DNM3: variants seen among roughly 807,000 people sequenced by gnomAD.
DNM3 encodes the protein dynamin 3.
A neutral mutation model predicts 101.6 loss-of-function variants in DNM3; 47 were observed. The ratio of observed to expected loss-of-function variants is 0.46; its 90% CI spans 0.37 to 0.59. The LOEUF is 0.59. Ranked by LOEUF, DNM3 falls within the 20% of genes least tolerant of loss-of-function variation. The pLI is 0.00. For synonymous variants in DNM3, 385 were observed against 387.9 expected, an observed-to-expected ratio of 0.99 and a Z score of 0.09; for missense variants, 849 against 1,085.7, an observed-to-expected ratio of 0.78 and a Z score of 3.06.
chr1:171,850,343 T>C (rs955362973), intron 1 of DNM3, among the ~76,000 whole-genome samples: 1 of 152,220 alleles, frequency 6.6e-6, no homozygotes, highest in Non-Finnish European at 1.5e-5. Context: ...TGTTTGGAAT[T>C]ACATTATTTT....
intron 10 of DNM3, among the ~76,000 whole-genome samples, chr1:172,053,754 C>A (rs541947388): frequency 9.8e-4 from 149 of 152,222 alleles, no homozygotes; most frequent in African/African-American, 1.4e-3. Flanking sequence ...AAACATCTAT[C>A]CTTTTCCTTA....
At chr1:172,295,950 G>A (rs1464281114) in intron 15 of DNM3, among the ~76,000 whole-genome samples, 1 of 152,076 alleles carries the variant, frequency 6.6e-6, no homozygotes, top group Non-Finnish European at 1.5e-5. Context: ...CAAAAATATT[G>A]TATTATATTT....
chr1:171,875,625 C>T (rs1163861045), intron 1 of DNM3, among the ~76,000 whole-genome samples: 2 of 152,068 alleles, frequency 1.3e-5, no homozygotes, highest in Non-Finnish European at 2.9e-5. Context: ...ACCTGGACAA[C>T]CTTGGGGAAG....
At chr1:172,019,745 G>A (rs2047704469) in intron 4 of DNM3, among the ~76,000 whole-genome samples, 2 of 151,608 alleles carry the variant, frequency 1.3e-5, no homozygotes, top group African/African-American at 2.4e-5. Context: ...ACTTTTTCCA[G>A]TCCAGTCAAA....
Position 172,412,224 on chromosome 1 carries a change from A to G in DNM3, c.*4383A>G. ...AACTCAAGTCATTAATCTCTTTTTA[A>G]TTTTTACTCTTGAATTCCTTAAACT... On this transcript the variant is annotated 3_prime_UTR_variant, in exon 21 of 21. Coordinates refer to ENST00000627582, the MANE Select transcript of DNM3 (RefSeq NM_015569.5). 9 of 985,404 alleles carry G rather than the reference A, an allele frequency of 9.1e-6. No individual in the cohort carries two copies. The highest frequency in any genetic ancestry group is 1.1e-5 in the Non-Finnish European group (9 of 829,782). 61.0% of individuals were successfully genotyped at this position (985,404 alleles called of 1,614,324 possible). A position where few individuals can be genotyped will look rare whatever the true frequency, so the allele number is the denominator to read the frequency against.
Position 172,408,089 on chromosome 1 carries a change from G to T in DNM3, c.*248G>T, listed in dbSNP as rs1258646449. ...CTGACCAAGGTAGGTTTGTATAGCAGCCCTATACTTTGGGGATCATTTGCC... is the reference window on the plus strand; with the variant it reads ...CTGACCAAGGTAGGTTTGTATAGCATCCCTATACTTTGGGGATCATTTGCC... On this transcript the variant is annotated 3_prime_UTR_variant, in exon 21 of 21. Coordinates refer to ENST00000627582, the MANE Select transcript of DNM3 (RefSeq NM_015569.5). 2.3e-6 allele frequency: 3 copies of T among 1,287,294 alleles called. No individual in the cohort carries two copies. 79.7% of individuals were successfully genotyped at this position (1,287,294 alleles called of 1,614,324 possible).
chr1:172,072,473 G>T (rs940269074), intron 11 of DNM3, among the ~76,000 whole-genome samples: 20 of 152,136 alleles, frequency 1.3e-4, no homozygotes, highest in African/African-American at 4.8e-4. Flanking sequence ...GACTGGTTGA[G>T]ATTAGCCACA....
chr1:172,177,741 C>G (rs1456841485), intron 14 of DNM3, among the ~76,000 whole-genome samples: 1 of 151,776 alleles, frequency 6.6e-6, no homozygotes, highest in South Asian at 2.1e-4. Context: ...GACTTATAGC[C>G]AACCCAGGGG....
intron 15 of DNM3, among the ~76,000 whole-genome samples, chr1:172,268,653 T>G (rs146992305): frequency 5.6e-4 from 85 of 152,272 alleles, no homozygotes; most frequent in African/African-American, 1.9e-3. Context: ...TTGGTAATAT[T>G]TTTATGAACT....
At chr1:172,252,688 T>C (rs1475025011) in intron 14 of DNM3, among the ~76,000 whole-genome samples, 2 of 152,084 alleles carry the variant, frequency 1.3e-5, no homozygotes, top group African/African-American at 2.4e-5. Context: ...AAATTGAGTA[T>C]TTGGCTCTCT....
chr1:172,030,683 A>C (rs1366605603), intron 4 of DNM3, among the ~76,000 whole-genome samples: 9 of 152,128 alleles, frequency 5.9e-5, no homozygotes, highest in Non-Finnish European at 1.5e-5. Context: ...GAATCTACAA[A>C]GAACATAAAC....
chr1:172,254,072 A>G lies in DNM3; in HGVS notation c.1769+390A>G, dbSNP rs547782669. 4.3e-4 allele frequency among the ~76,000 whole-genome samples: 66 copies of G among 152,054 alleles called. 1 individual carries two copies. The highest frequency in any genetic ancestry group is 9.1e-4 in the Non-Finnish European group (62 of 67,994). ...TACTCCTACCTCAGCCCTCTAGAGT[A>G]GCTGGGACTACTGCGTGCATGCCAC... On this transcript the variant is annotated intron_variant, in intron 15 of 20. Coordinates refer to ENST00000627582, the MANE Select transcript of DNM3 (RefSeq NM_015569.5).
intron 14 of DNM3, among the ~76,000 whole-genome samples, chr1:172,177,406 GA>G (rs2059192087): frequency 6.6e-6 from 1 of 151,694 alleles, no homozygotes; most frequent in Non-Finnish European, 1.5e-5. Flanking sequence ...GTATGTATGG[GA>G]AAAAAGACAT....
intron 17 of DNM3, among the ~76,000 whole-genome samples, chr1:172,368,163 C>T (rs1320772458): frequency 6.6e-6 from 1 of 151,876 alleles, no homozygotes. Flanking sequence ...GCAATAGCTA[C>T]AGAATATGTG....
Position 172,068,860 on chromosome 1 carries a change from T to A in DNM3, c.1377T>A (p.Ile459=). 6.3e-7 allele frequency: 1 copy of A among 1,575,498 alleles called. No homozygotes were observed. Among genetic ancestry groups the A allele is most frequent in the Non-Finnish European group, 8.6e-7 (1 of 1,159,710 alleles). Residue 459 remains isoleucine, a synonymous_variant, in exon 11 of 21, where the codon ATT becomes ATA. Transcript: ENST00000627582. The part of the protein sequence containing the change: ...FPRLCEETER[I]VANHIREREG... ...GACTCTGCGAGGAAACGGAAAGGAT[T>A]GTTGCTAACCACATTCGTGAGCGAG...
chr1:171,915,151 G>C (rs1349527324), intron 1 of DNM3, among the ~76,000 whole-genome samples: 3 of 152,184 alleles, frequency 2.0e-5, no homozygotes. Flanking sequence ...TGAATTAATA[G>C]GTTAAATTAA....
At chr1:171,907,765 A>C (rs74674626) in intron 1 of DNM3, among the ~76,000 whole-genome samples, 1 of 152,158 alleles carries the variant, frequency 6.6e-6, no homozygotes, top group Admixed American at 6.5e-5. Context: ...TTGATCCACT[A>C]TTTAAAACTG....
intron 16 of DNM3, among the ~76,000 whole-genome samples, chr1:172,315,616 T>C (rs1191950677): frequency 6.6e-6 from 1 of 152,014 alleles, no homozygotes; most frequent in Non-Finnish European, 1.5e-5. Flanking sequence ...ACCAATGCGA[T>C]CAACTGGAAG....
chr1:171,903,998 A>G (rs973296632), intron 1 of DNM3, among the ~76,000 whole-genome samples: 1 of 152,182 alleles, frequency 6.6e-6, no homozygotes, highest in Non-Finnish European at 1.5e-5. Context: ...TTATATATGT[A>G]ACAAGGCAGC....
Sources: gnomAD v4.1 joint callset for allele counts (sites outside exome capture counted in the v4.1 genomes callset) on GRCh38, gnomAD v4.1.1 for gene constraint, MANE v1.5 for transcripts, NCBI Gene and HGNC (gene_info 2026-07-23, HGNC 2026-07-21) for gene names.